ZNF75D: variants seen among roughly 807,000 people sequenced by gnomAD.
The protein encoded by ZNF75D is zinc finger protein 75.
A neutral mutation model predicts 33.3 loss-of-function variants in ZNF75D; 33 were observed. That is an observed-to-expected ratio of 0.99 (90% CI 0.75 to 1.32). ZNF75D has a LOEUF of 1.32. ZNF75D is among the 40% of genes most tolerant of loss of function. ZNF75D has a pLI of 0.00. For missense variants in ZNF75D, 338 were observed against 367.5 expected, an observed-to-expected ratio of 0.92 and a Z score of 0.66; for synonymous variants, 113 against 130.6, an observed-to-expected ratio of 0.87 and a Z score of 0.92.
At chrX:135,330,041 G>C (rs1447270500) in intron 1 of ZNF75D, among the ~76,000 whole-genome samples, 3 of 112,165 alleles carry the variant, frequency 2.7e-5, no homozygotes, top group Non-Finnish European at 1.9e-5. Flanking sequence ...GAATAACCTT[G>C]ATAGGGAGCT....
rs7042 is a variant in ZNF75D, at chrX:135,286,075, G to C, written c.*1062C>G. The C allele has an allele frequency of 0.21, 23,793 of 111,567 alleles. 2,059 individuals carry two copies. The highest frequency in any genetic ancestry group is 0.36 in the Middle Eastern group (77 of 213). The allele number at this position is 111,567 out of a possible 1,213,427, so 9.2% of individuals were successfully genotyped here. ...CCTGGCTCTGACTGGCATCATCACT[G>C]TGAGCCATATGCCTTACTTTTCTCT... is the stretch of plus-strand genomic sequence containing the variant. On this transcript the variant is annotated 3_prime_UTR_variant, in exon 7 of 7. Coordinates refer to ENST00000370766, the MANE Select transcript of ZNF75D (RefSeq NM_007131.5).
chrX:135,289,958 A>G (rs1184088900), intron 6 of ZNF75D, among the ~76,000 whole-genome samples: 1 of 112,147 alleles, frequency 8.9e-6, no homozygotes, highest in Non-Finnish European at 1.9e-5. Context: ...CATGAAACAT[A>G]CTAAGTGAAT....
chrX:135,306,483 C>T (rs1302273639), intron 1 of ZNF75D, among the ~76,000 whole-genome samples: 1 of 112,149 alleles, frequency 8.9e-6, no homozygotes, highest in African/African-American at 3.2e-5. Flanking sequence ...TTTGCTAATA[C>T]TACAGACTAA....
chrX:135,257,306 C>G (rs1467121695), intron 1 of ZNF75D, among the ~76,000 whole-genome samples: 1 of 111,980 alleles, frequency 8.9e-6, no homozygotes, highest in Non-Finnish European at 1.9e-5. Context: ...GAGTGAGCCC[C>G]AGGCCTGGTA....
intron 1 of ZNF75D, among the ~76,000 whole-genome samples, chrX:135,277,791 T>C (rs1459980633): frequency 1.8e-5 from 2 of 111,889 alleles, no homozygotes; most frequent in East Asian, 2.8e-4. Context: ...AATGATCAGA[T>C]GGTTGTAGAT....
chrX:135,266,927 C>G (rs2083865052), intron 1 of ZNF75D, among the ~76,000 whole-genome samples: 1 of 111,420 alleles, frequency 9.0e-6, no homozygotes, highest in East Asian at 2.8e-4. Context: ...TTTCTGACCA[C>G]AATGGAATAA....
At chrX:135,325,312 G>A (rs1364418296) in intron 1 of ZNF75D, among the ~76,000 whole-genome samples, 1 of 109,328 alleles carries the variant, frequency 9.1e-6, no homozygotes, top group African/African-American at 3.3e-5. Flanking sequence ...CACAGCCCTC[G>A]CTTGCTCTCG....
At chrX:135,256,412 C>G (rs1243898688) in intron 1 of ZNF75D, among the ~76,000 whole-genome samples, 2 of 111,073 alleles carry the variant, frequency 1.8e-5, no homozygotes, top group Admixed American at 9.5e-5. Context: ...AGTGCCCACA[C>G]ACAGGTGTGT....
chrX:135,334,103 T>C, intron 1 of ZNF75D, among the ~76,000 whole-genome samples: 1 of 112,368 alleles, frequency 8.9e-6, no homozygotes, highest in Non-Finnish European at 1.9e-5. Context: ...ACCATGGATA[T>C]GTTCCATGGG....
Position 135,274,594 on chromosome X carries a change from C to T in ZNF75D, n.828-18817G>A, listed in dbSNP as rs782673191. 1.6e-3 allele frequency among the ~76,000 whole-genome samples: 174 copies of T among 111,482 alleles called. 1 individual carries two copies. Among genetic ancestry groups the T allele is most frequent in the Non-Finnish European group, 2.8e-3 (148 of 53,010 alleles). On this transcript the variant is annotated intron_variant and non_coding_transcript_variant, in intron 1 of 3. Transcript: ENST00000494295. ...TTTACATGAGCACCTAAATGATGCT[C>T]GCTGTTTATTAAAAGTATGGTTAAC...
chrX:135,325,031 CT>C (rs1444874748), intron 1 of ZNF75D, among the ~76,000 whole-genome samples: 9 of 110,388 alleles, frequency 8.2e-5, no homozygotes, highest in African/African-American at 3.0e-4. Context: ...AAGATGTCTT[CT>C]TTGGAAATGG....
rs2084121180 is a variant in ZNF75D at position 135,295,819 on chromosome X, A to C, written c.-170T>G. ...GGCCACTTTCCTCTTCCTCGGCTCG[A>C]CTACGCCTCTGCCTCTGTGGCCACG... On this transcript the variant is annotated 5_prime_UTR_variant, in exon 2 of 7. Coordinates refer to ENST00000370766, the MANE Select transcript of ZNF75D (RefSeq NM_007131.5). 1 of 111,868 alleles carries C rather than the reference A, an allele frequency of 8.9e-6. No individual in the cohort carries two copies. The highest frequency in any genetic ancestry group is 1.9e-5 in the Non-Finnish European group (1 of 53,135). 9.2% of individuals were successfully genotyped at this position (111,868 alleles called of 1,213,427 possible).
rs186975274 is a variant in ZNF75D, at chrX:135,309,780, C to T, written c.-390-13741G>A. The T allele has an allele frequency of 2.8e-5, 8 of 285,954 alleles. No homozygotes were observed. In the East Asian group the frequency reaches 2.9e-4, roughly 11 times the overall value. The allele number at this position is 285,954 out of a possible 1,213,427, so 23.6% of individuals were successfully genotyped here. A position where few individuals can be genotyped will look rare whatever the true frequency, so the allele number is the denominator to read the frequency against. ...CAATAAACTCCTCCCATGTTTGAGC[C>T]ATTAAAACAGAGTCTGTCATTTCAC... On this transcript the variant is annotated intron_variant, in intron 1 of 6. Coordinates refer to ENST00000370766, the MANE Select transcript of ZNF75D (RefSeq NM_007131.5).
At chrX:135,250,372 C>A (rs2083776600) in intron 3 of ZNF75D, among the ~76,000 whole-genome samples, 1 of 92,212 alleles carries the variant, frequency 1.1e-5, no homozygotes, top group Non-Finnish European at 2.2e-5. Flanking sequence ...GAGTGTGTGA[C>A]CTGGGTCGCT....
At chrX:135,312,723 T>C (rs1410181348) in intron 1 of ZNF75D, among the ~76,000 whole-genome samples, 7 of 109,679 alleles carry the variant, frequency 6.4e-5, no homozygotes, top group Non-Finnish European at 1.3e-4. Context: ...TATCTCATCG[T>C]GGTTTTGATT....
At chrX:135,283,313 G>C (rs2083927698), downstream of ZNF75D, among the ~76,000 whole-genome samples, 1 of 111,977 alleles carries the variant, frequency 8.9e-6, no homozygotes, top group Admixed American at 9.4e-5. Flanking sequence ...AAGGATCAGG[G>C]AGCATGGAGG....
intron 1 of ZNF75D, among the ~76,000 whole-genome samples, chrX:135,302,986 G>C (rs1475060755): frequency 9.1e-6 from 1 of 110,372 alleles, no homozygotes; most frequent in Non-Finnish European, 1.9e-5. Context: ...AAGGTCAGCA[G>C]GTAAACACGT....
chrX:135,285,091 T>C (rs2083936198), downstream of ZNF75D, among the ~76,000 whole-genome samples: 1 of 111,223 alleles, frequency 9.0e-6, no homozygotes, highest in Non-Finnish European at 1.9e-5. Context: ...GCAGTCATAG[T>C]CTCCAAGCCT....
chrX:135,336,637 A>G (rs2084715635), intron 1 of ZNF75D, among the ~76,000 whole-genome samples: 1 of 112,174 alleles, frequency 8.9e-6, no homozygotes, highest in South Asian at 3.7e-4. Flanking sequence ...TCCTAGCCCT[A>G]GCCCTACTCC....
Sources: allele counts gnomAD v4.1 joint callset (sites outside exome capture counted in the v4.1 genomes callset), GRCh38; gene constraint gnomAD v4.1.1; transcripts MANE v1.5; gene names NCBI Gene and HGNC (gene_info 2026-07-23, HGNC 2026-07-21).